The following ARHGAP26 variants were observed in gnomAD, a reference collection of about 807,000 sequenced individuals.
ARHGAP26 encodes the protein rho GTPase-activating protein 26.
ARHGAP26 carries 38 observed loss-of-function variants against 104.8 expected under a neutral mutation model. That is an observed-to-expected ratio of 0.36 (90% CI 0.28 to 0.48). The LOEUF (loss-of-function observed/expected upper bound fraction) is 0.48. Among genes scored for constraint, ARHGAP26 ranks in the 20% least tolerant of loss-of-function variants. ARHGAP26 has a pLI of 0.99. For missense variants in ARHGAP26, 704 were observed against 947.9 expected (o/e 0.74, Z 3.38); for synonymous variants, 341 against 340.0 (o/e 1.00, Z -0.03).
chr5:143,071,759 C>T (rs946995232), intron 17 of ARHGAP26, among the ~76,000 whole-genome samples: 1 of 152,062 alleles, frequency 6.6e-6, no homozygotes, highest in East Asian at 1.9e-4. Context: ...AAAAAATTAG[C>T]CAGGCGTGGT....
At chr5:142,956,387 A>G (rs712183) in intron 11 of ARHGAP26, among the ~76,000 whole-genome samples, 73,139 of 151,836 alleles carry the variant, frequency 0.48, 21,696 homozygotes, top group East Asian at 0.91. Context: ...ACCAGACTGG[A>G]CAACACAGCA....
At chr5:143,068,950 C>A (rs1391625200) in intron 17 of ARHGAP26, among the ~76,000 whole-genome samples, 2 of 152,190 alleles carry the variant, frequency 1.3e-5, no homozygotes, top group African/African-American at 4.8e-5. Context: ...CCCACTCTCT[C>A]CTCCTTGATA....
chr5:143,205,338 AAAGAGTCATACTCTTT>A (rs1808397782), intron 20 of ARHGAP26, among the ~76,000 whole-genome samples: 1 of 152,178 alleles, frequency 6.6e-6, no homozygotes, highest in Non-Finnish European at 1.5e-5. Context: ...AAAAAGCTTT[AAAGAGTCATACTCTTT>A]ACATTTTATT....
intron 19 of ARHGAP26, among the ~76,000 whole-genome samples, chr5:143,138,950 T>C (rs1215079242): frequency 6.6e-6 from 1 of 152,218 alleles, no homozygotes; most frequent in African/African-American, 2.4e-5. Flanking sequence ...CCAGTCGTTA[T>C]TTTGCTTTCA....
intron 11 of ARHGAP26, among the ~76,000 whole-genome samples, chr5:142,952,772 C>A (rs1188483977): frequency 6.6e-6 from 1 of 152,066 alleles, no homozygotes; most frequent in Non-Finnish European, 1.5e-5. Context: ...TGCAGTGGTG[C>A]CATCTCGGCT....
chr5:143,206,567 C>T (rs1461824776), intron 20 of ARHGAP26, among the ~76,000 whole-genome samples: 2 of 152,156 alleles, frequency 1.3e-5, no homozygotes, highest in East Asian at 3.8e-4. Flanking sequence ...AAAGGGCAAG[C>T]CCAGGCAGCA....
intron 20 of ARHGAP26, among the ~76,000 whole-genome samples, chr5:143,160,819 A>G (rs1801138265): frequency 6.6e-6 from 1 of 152,092 alleles, no homozygotes; most frequent in South Asian, 2.1e-4. Context: ...GCCATTGGTC[A>G]TTGAATCATT....
intron 20 of ARHGAP26, among the ~76,000 whole-genome samples, chr5:143,149,378 AGCCC>A (rs1799541105): frequency 6.6e-6 from 1 of 152,178 alleles, no homozygotes; most frequent in African/African-American, 2.4e-5. Context: ...TACCAGCATC[AGCCC>A]TGATACCAGC....
At chr5:143,206,044 G>A (rs759894978) in intron 20 of ARHGAP26, among the ~76,000 whole-genome samples, 2 of 152,236 alleles carry the variant, frequency 1.3e-5, no homozygotes, top group Non-Finnish European at 2.9e-5. Flanking sequence ...TGTTACAACA[G>A]TAAGTAATTA....
intron 11 of ARHGAP26, among the ~76,000 whole-genome samples, chr5:142,968,055 G>C (rs950238756): frequency 1.1e-4 from 16 of 152,074 alleles, no homozygotes; most frequent in African/African-American, 3.9e-4. Context: ...TTTACTTCTT[G>C]CTTCTCCTCC....
At chr5:142,827,016 G>C (rs1395225477) in intron 1 of ARHGAP26, among the ~76,000 whole-genome samples, 1 of 151,770 alleles carries the variant, frequency 6.6e-6, no homozygotes, top group African/African-American at 2.4e-5. Flanking sequence ...CACCTCACCT[G>C]TGGCCACTGA....
intron 17 of ARHGAP26, among the ~76,000 whole-genome samples, chr5:143,068,971 A>G (rs1787889826): frequency 6.6e-6 from 1 of 152,038 alleles, no homozygotes; most frequent in Non-Finnish European, 1.5e-5. Flanking sequence ...AGCTTTCTTC[A>G]CTTGGCTTCC....
Position 143,223,035 on chromosome 5 carries a change from C to T in ARHGAP26, c.*589C>T. 4.3e-6 allele frequency: 1 copy of T among 233,276 alleles called. No homozygotes were observed. Among genetic ancestry groups the T allele is most frequent in the East Asian group, 6.1e-5 (1 of 16,524 alleles). The allele number at this position is 233,276 out of a possible 1,614,324, so 14.5% of individuals were successfully genotyped here. A position where few individuals can be genotyped will look rare whatever the true frequency, so the allele number is the denominator to read the frequency against. ...TCACCATCTCTAAAGCAGCCGTTGG[C>T]CTGTCATCAGTGAGATACAATCCAG... On this transcript the variant is annotated 3_prime_UTR_variant, in exon 23 of 23. Coordinates refer to ENST00000645722, the MANE Select transcript of ARHGAP26 (RefSeq NM_001135608.3).
chr5:142,904,709 C>T (rs1760870516), intron 8 of ARHGAP26, among the ~76,000 whole-genome samples: 1 of 152,126 alleles, frequency 6.6e-6, no homozygotes, highest in South Asian at 2.1e-4. Context: ...TTCGTGTATG[C>T]AATGCTAGGA....
At chr5:142,881,766 G>A (rs1024750837) in intron 4 of ARHGAP26, among the ~76,000 whole-genome samples, 5 of 152,196 alleles carry the variant, frequency 3.3e-5, no homozygotes, top group Admixed American at 1.3e-4. Context: ...GCAGTCTCAA[G>A]AACATCTCAG....
chr5:142,972,245 A>AG (rs1772405009), intron 11 of ARHGAP26, among the ~76,000 whole-genome samples: 1 of 151,512 alleles, frequency 6.6e-6, no homozygotes, highest in Admixed American at 6.6e-5. Flanking sequence ...AGAAGCAGTG[A>AG]GGGGTGACTG....
In ARHGAP26 at chr5:143,223,901, AAC is replaced by A. The variant is rs1811453464; in HGVS notation, c.*1457_*1458del. The A allele has an allele frequency of 4.3e-6, 1 of 231,668 alleles. No homozygotes were observed. Among genetic ancestry groups the A allele is most frequent in the Non-Finnish European group, 8.6e-6 (1 of 116,862 alleles). 14.4% of individuals were successfully genotyped at this position (231,668 alleles called of 1,614,324 possible). On this transcript the variant is annotated 3_prime_UTR_variant, in exon 23 of 23. Transcript: ENST00000645722. Reference sequence around the variant, plus strand: ...TTTCAAATTCACTTGGCCTGCAAACAACAGAGTTATCCGTATCTTCCACATGT... The same window carrying A: ...TTTCAAATTCACTTGGCCTGCAAACAAGAGTTATCCGTATCTTCCACATGT...
intron 17 of ARHGAP26, among the ~76,000 whole-genome samples, chr5:143,065,619 A>G (rs1260627344): frequency 6.6e-6 from 1 of 152,174 alleles, no homozygotes; most frequent in Admixed American, 6.5e-5. Context: ...AGAAAGTTTT[A>G]ACTTCGCACA....
chr5:142,810,394 G>A (rs1331075026), intron 1 of ARHGAP26, among the ~76,000 whole-genome samples: 4 of 152,146 alleles, frequency 2.6e-5, no homozygotes, highest in African/African-American at 9.7e-5. Context: ...TTCAGGCAGA[G>A]GGCATGACTT....
Sources: gnomAD v4.1 joint callset for allele counts (sites outside exome capture counted in the v4.1 genomes callset) on GRCh38, gnomAD v4.1.1 for gene constraint, MANE v1.5 for transcripts, NCBI Gene and HGNC (gene_info 2026-07-23, HGNC 2026-07-21) for gene names.